PLEKHA8: variants seen among roughly 807,000 people sequenced by gnomAD.
PLEKHA8 encodes pleckstrin homology domain-containing family A member 8.
Under a neutral mutation model 68.2 loss-of-function variants are expected in PLEKHA8, and 36 were observed. The observed-to-expected ratio is 0.53, with a 90% CI of 0.40 to 0.70. PLEKHA8 has a LOEUF of 0.70. PLEKHA8 is among the 30% of genes least tolerant of loss of function. The probability of loss-of-function intolerance (pLI) is 0.00; values close to 1 mark genes in which losing one functional copy is unlikely to be tolerated. For missense variants in PLEKHA8, 505 were observed against 615.4 expected (o/e 0.82, Z 1.90); for synonymous variants, 211 against 216.1 (o/e 0.98, Z 0.20).
chr7:30,030,338 G>A (rs1027048041), intron 1 of PLEKHA8, among the ~76,000 whole-genome samples: 3 of 151,130 alleles, frequency 2.0e-5, no homozygotes, highest in Non-Finnish European at 4.4e-5. Context: ...TTTCTATATA[G>A]AAAGTTTAGT....
chr7:30,032,060 C>G (rs528741404), intron 1 of PLEKHA8, among the ~76,000 whole-genome samples: 21 of 152,188 alleles, frequency 1.4e-4, no homozygotes, highest in East Asian at 1.4e-3. Context: ...CAGTACCTTT[C>G]TTTAGATGTT....
At chr7:30,077,886 C>G (rs17546384) in intron 13 of PLEKHA8, among the ~76,000 whole-genome samples, 25,485 of 152,026 alleles carry the variant, frequency 0.17, 2,180 homozygotes, top group Middle Eastern at 0.22. Context: ...ATCTGTTAGG[C>G]AAGTGGCATA....
In PLEKHA8 at chr7:30,028,916, CAGCGCGG is replaced by C. The variant is rs1185002647; in HGVS notation, c.40+119_40+125del. On this transcript the variant is annotated intron_variant, in intron 1 of 13. Transcript: ENST00000449726. Reference sequence around the variant, plus strand: ...GGGGGTCACGGCCCTTTCCTGAGGCCAGCGCGGAGCGGGAGTATTTCCCAAAGCAGTT... The same window carrying C: ...GGGGGTCACGGCCCTTTCCTGAGGCCAGCGGGAGTATTTCCCAAAGCAGTT... 16 of 1,117,616 alleles carry C rather than the reference CAGCGCGG, an allele frequency of 1.4e-5. No individual in the cohort carries two copies. In the South Asian group the frequency reaches 2.7e-4, roughly 19 times the overall value. The allele number at this position is 1,117,616 out of a possible 1,614,324, so 69.2% of individuals were successfully genotyped here.
intron 13 of PLEKHA8, chr7:30,129,160 T>C (rs1796831719): frequency 5.9e-6 from 9 of 1,514,478 alleles, no homozygotes; most frequent in Admixed American, 1.7e-5. Context: ...AAACTACTGA[T>C]ACAAAGGAAA....
chr7:30,072,732 G>A (rs1044747697), intron 12 of PLEKHA8, among the ~76,000 whole-genome samples: 1 of 152,206 alleles, frequency 6.6e-6, no homozygotes, highest in Non-Finnish European at 1.5e-5. Flanking sequence ...TGAAATGGTG[G>A]TAGTACTTGT....
Position 30,115,771 on chromosome 7 carries a change from TATGC to T in PLEKHA8, c.1363-13488_1363-13485del, listed in dbSNP as rs1156852357. ...ATACGTGCACATACATGTATACACG[TATGC>T]ATGCATACATACGTGCACATACATG... is the stretch of plus-strand genomic sequence containing the variant. On this transcript the variant is annotated intron_variant, in intron 13 of 13. Coordinates refer to the PLEKHA8 transcript ENST00000396257. The T allele has an allele frequency of 2.5e-4, 34 of 136,536 alleles. 2 individuals are homozygous for T. Among genetic ancestry groups the T allele is most frequent in the African/African-American group, 5.4e-4 (19 of 34,982 alleles). The allele number at this position is 136,536 out of a possible 1,614,324, so 8.5% of individuals were successfully genotyped here. A position where few individuals can be genotyped will look rare whatever the true frequency, so the allele number is the denominator to read the frequency against.
At position 30,080,670 on chromosome 7, in the gene PLEKHA8, AG is replaced by A. The variant is rs1794884687; in HGVS notation, c.*1889del. Reference sequence around the variant, plus strand: ...CATGTTTTAAAGCTAGGGAGAAAGAAGGGGGGTATTAAAATGATGTTGATTA... The same window carrying A: ...CATGTTTTAAAGCTAGGGAGAAAGAAGGGGGTATTAAAATGATGTTGATTA... On this transcript the variant is annotated 3_prime_UTR_variant, in exon 14 of 14. Coordinates refer to ENST00000449726, the MANE Select transcript of PLEKHA8 (RefSeq NM_001197026.2). 13 of 985,160 alleles carry A rather than the reference AG, an allele frequency of 1.3e-5. No individual in the cohort carries two copies. The South Asian group carries it at 5.6e-4, about 43-fold the overall frequency. The allele number at this position is 985,160 out of a possible 1,614,324, so 61.0% of individuals were successfully genotyped here. A position where few individuals can be genotyped will look rare whatever the true frequency, so the allele number is the denominator to read the frequency against.
intron 13 of PLEKHA8, among the ~76,000 whole-genome samples, chr7:30,115,629 T>G (rs151046408): frequency 2.0e-5 from 3 of 151,640 alleles, no homozygotes; most frequent in African/African-American, 7.3e-5. Context: ...CACATACATG[T>G]ACACATACAT....
intron 10 of PLEKHA8, among the ~76,000 whole-genome samples, chr7:30,061,345 AGT>A (rs1204246829): frequency 6.6e-6 from 1 of 152,228 alleles, no homozygotes; most frequent in Non-Finnish European, 1.5e-5. Flanking sequence ...GCCCATTTCC[AGT>A]GGTAGTTGTG....
chr7:30,116,221 T>TAC lies in PLEKHA8; in HGVS notation c.1363-13044_1363-13043insCA, dbSNP rs1335367788. Among the ~76,000 whole-genome samples the TAC allele has an allele frequency of 4.6e-5, 7 of 151,276 alleles. No individual in the cohort carries two copies. In the East Asian group the frequency reaches 9.8e-4, roughly 21 times the overall value. ...ACACGTATACATGTATACATATGTA[T>TAC]ATACGTATACATGTATGCGTATACA... On this transcript the variant is annotated intron_variant, in intron 13 of 13. Transcript: ENST00000396257.
rs562344818 is a variant in PLEKHA8, at chr7:30,037,784, T to C, written c.41-7301T>C. ...CATTTCTACACAACAGTAGTTCTTA[T>C]GGATTTTTTTTCTTTTAGTCTTGAA... On this transcript the variant is annotated intron_variant, in intron 1 of 13. Coordinates refer to ENST00000449726, the MANE Select transcript of PLEKHA8 (RefSeq NM_001197026.2). Among the ~76,000 whole-genome samples, 270 of 152,178 alleles carry C rather than the reference T, an allele frequency of 1.8e-3. 2 individuals carry two copies. Among genetic ancestry groups the C allele is most frequent in the Middle Eastern group, 3.4e-3 (1 of 294 alleles).
chr7:30,054,430 A>T (rs894786246), intron 7 of PLEKHA8, among the ~76,000 whole-genome samples: 1 of 152,182 alleles, frequency 6.6e-6, no homozygotes, highest in Non-Finnish European at 1.5e-5. Flanking sequence ...CATGGATATG[A>T]TACAATATAA....
intron 12 of PLEKHA8, among the ~76,000 whole-genome samples, chr7:30,069,374 C>T (rs1195783884): frequency 6.6e-6 from 1 of 152,232 alleles, no homozygotes; most frequent in Non-Finnish European, 1.5e-5. Flanking sequence ...TCTCTTAAGA[C>T]TTAGATTGAC....
Position 30,082,590 on chromosome 7 carries a change from T to TA in PLEKHA8, c.*3803_*3804insA. 1.0e-6 allele frequency: 1 copy of TA among 985,166 alleles called. No individual in the cohort carries two copies. Among genetic ancestry groups the TA allele is most frequent in the Non-Finnish European group, 1.2e-6 (1 of 829,806 alleles). The allele number at this position is 985,166 out of a possible 1,614,324, so 61.0% of individuals were successfully genotyped here. Reference sequence around the variant, plus strand: ...AAAATTTGCACTCTTCTCCTTTTGGTTATTACTTTCCAAATATATTAACAA... The same window carrying TA: ...AAAATTTGCACTCTTCTCCTTTTGGTATATTACTTTCCAAATATATTAACAA... On this transcript the variant is annotated 3_prime_UTR_variant, in exon 14 of 14. Transcript: ENST00000449726.
At chr7:30,123,479 G>T (rs375466557) in intron 13 of PLEKHA8, among the ~76,000 whole-genome samples, 1 of 152,178 alleles carries the variant, frequency 6.6e-6, no homozygotes, top group Non-Finnish European at 1.5e-5. Context: ...ACACAGTGGG[G>T]GGCTGAGGAT....
In PLEKHA8 at chr7:30,078,843, G is replaced by A; in HGVS notation, c.*56G>A. Reference sequence around the variant, plus strand: ...GGAATAAGTGCTAAAGTGTTTTGTTGCCCTACTTAATTTCCAGCAACAGCC... The same window carrying A: ...GGAATAAGTGCTAAAGTGTTTTGTTACCCTACTTAATTTCCAGCAACAGCC... On this transcript the variant is annotated 3_prime_UTR_variant, in exon 14 of 14. Coordinates refer to ENST00000449726, the MANE Select transcript of PLEKHA8 (RefSeq NM_001197026.2). The A allele has an allele frequency of 6.4e-7, 1 of 1,564,746 alleles. No homozygotes were observed. Among genetic ancestry groups the A allele is most frequent in the Admixed American group, 1.9e-5 (1 of 53,594 alleles).
rs1057436640 is a variant in PLEKHA8 at position 30,028,643 on chromosome 7, GC to G, written c.-119del. ...CCGGGCGTCCCCACACCGGGCCCGG[GC>G]GCCGGGAGTGGGCGTCTGGGCAGCG... On this transcript the variant is annotated 5_prime_UTR_variant, in exon 1 of 14. Transcript: ENST00000449726. 18 of 749,004 alleles carry G rather than the reference GC, an allele frequency of 2.4e-5. No individual in the cohort carries two copies. The African/African-American group carries it at 2.7e-4, about 11-fold the overall frequency. 46.4% of individuals were successfully genotyped at this position (749,004 alleles called of 1,614,324 possible). A position where few individuals can be genotyped will look rare whatever the true frequency, so the allele number is the denominator to read the frequency against.
At position 30,044,816 on chromosome 7, in the gene PLEKHA8, G is replaced by T. The variant is rs137901987; in HGVS notation, c.41-269G>T. Among the ~76,000 whole-genome samples, 8 of 152,330 alleles carry T rather than the reference G, an allele frequency of 5.3e-5. No individual in the cohort carries two copies. The East Asian group carries it at 1.3e-3, about 26-fold the overall frequency. ...ATTTCTGTAAATCCTATTACCTAGA[G>T]AGTCATTAGTGTACTTGTTGCTTAT... On this transcript the variant is annotated intron_variant, in intron 1 of 13. Transcript: ENST00000449726.
chr7:30,042,281 T>G (rs61181453), intron 1 of PLEKHA8, among the ~76,000 whole-genome samples: 22,093 of 152,212 alleles, frequency 0.15, 1,638 homozygotes, highest in Middle Eastern at 0.18. Flanking sequence ...TACTTAAAAT[T>G]TCATTACATG....
Sources: gnomAD v4.1 joint callset for allele counts (sites outside exome capture counted in the v4.1 genomes callset) on GRCh38, gnomAD v4.1.1 for gene constraint, MANE v1.5 for transcripts, NCBI Gene and HGNC (gene_info 2026-07-23, HGNC 2026-07-21) for gene names.